The following SEC11A variants were observed in gnomAD, a reference collection of about 807,000 sequenced individuals.
SEC11A encodes the protein signal peptidase complex catalytic subunit SEC11A.
Under a neutral mutation model 25.6 loss-of-function variants are expected in SEC11A, and 14 were observed. The observed-to-expected ratio is 0.55, with a 90% CI of 0.36 to 0.85. The LOEUF (loss-of-function observed/expected upper bound fraction) is 0.85, where lower values mean the gene tolerates loss of function less well. Among genes scored for constraint, SEC11A ranks in the 40% least tolerant of loss-of-function variants. The pLI is 0.01. For synonymous variants in SEC11A, 83 were observed against 76.4 expected, an observed-to-expected ratio of 1.09 and a Z score of -0.45; for missense variants, 153 against 222.9, an observed-to-expected ratio of 0.69 and a Z score of 2.00.
At chr15:84,711,797 AAAAAG>A (rs1296061448) in intron 1 of SEC11A, among the ~76,000 whole-genome samples, 1 of 151,892 alleles carries the variant, frequency 6.6e-6, no homozygotes, top group African/African-American at 2.4e-5. Context: ...AAAAAAAAAA[AAAAAG>A]AAGCCGTACT....
chr15:84,714,378 T>TAAA (rs1596087948), intron 1 of SEC11A, among the ~76,000 whole-genome samples: 1 of 152,134 alleles, frequency 6.6e-6, no homozygotes, highest in East Asian at 1.9e-4. Context: ...GTACAGCCAA[T>TAAA]ACTCACCATG....
intron 1 of SEC11A, among the ~76,000 whole-genome samples, chr15:84,714,004 C>T (rs1402131158): frequency 3.3e-5 from 5 of 149,484 alleles, no homozygotes; most frequent in Non-Finnish European, 5.9e-5. Context: ...AATCCACATC[C>T]TGCCATATAC....
intron 1 of SEC11A, among the ~76,000 whole-genome samples, chr15:84,697,758 T>C (rs1161485963): frequency 6.6e-6 from 1 of 152,214 alleles, no homozygotes; most frequent in South Asian, 2.1e-4. Context: ...TGCCTCTTTC[T>C]GTATTGGCAG....
intron 1 of SEC11A, among the ~76,000 whole-genome samples, chr15:84,700,322 G>A (rs768371942): frequency 9.9e-5 from 15 of 151,732 alleles, no homozygotes; most frequent in East Asian, 1.9e-4. Context: ...TTTGCTGGGC[G>A]AGGTGGCTTA....
intron 4 of SEC11A, among the ~76,000 whole-genome samples, chr15:84,678,484 AGACT>A (rs1215678422): frequency 6.6e-6 from 1 of 152,236 alleles, no homozygotes; most frequent in Non-Finnish European, 1.5e-5. Context: ...TAACAACAGG[AGACT>A]GACTGAATAA....
intron 1 of SEC11A, among the ~76,000 whole-genome samples, chr15:84,694,064 T>A (rs67175503): frequency 0.066 from 10,099 of 151,960 alleles, 425 homozygotes; most frequent in African/African-American, 0.1. Context: ...GCATAGAAAA[T>A]ATGGAAGAAG....
At chr15:84,680,163 T>C (rs1166803079) in intron 4 of SEC11A, among the ~76,000 whole-genome samples, 2 of 150,218 alleles carry the variant, frequency 1.3e-5, no homozygotes, top group South Asian at 2.1e-4. Flanking sequence ...TAGCCGGGCA[T>C]GGTGGCGGGC....
chr15:84,694,595 T>TG (rs1241140459), intron 1 of SEC11A, among the ~76,000 whole-genome samples: 1 of 152,134 alleles, frequency 6.6e-6, no homozygotes, highest in Non-Finnish European at 1.5e-5. Context: ...CTATTCATTC[T>TG]GGTGTTTACC....
rs575496805 is a variant in SEC11A at position 84,669,922 on chromosome 15, G to C, written c.*97C>G. 6.3e-7 allele frequency: 1 copy of C among 1,594,344 alleles called. No homozygotes were observed. The highest frequency in any genetic ancestry group is 1.1e-5 in the South Asian group (1 of 87,618). ...CAGTGCTACCCAGAAGCACCAACAC[G>C]TGTGTTCTCCATTCCACCAATCACA... On this transcript the variant is annotated 3_prime_UTR_variant, in exon 6 of 6. Coordinates refer to ENST00000268220, the MANE Select transcript of SEC11A (RefSeq NM_014300.4).
At chr15:84,681,868 C>A (rs561241443) in intron 3 of SEC11A, among the ~76,000 whole-genome samples, 6 of 152,078 alleles carry the variant, frequency 3.9e-5, no homozygotes, top group African/African-American at 1.4e-4. Context: ...CACTTGAGCC[C>A]AGGAGTTCAA....
chr15:84,716,125 G>C lies in SEC11A; in HGVS notation c.-50C>G, dbSNP rs1326819940. 6.3e-7 allele frequency: 1 copy of C among 1,582,538 alleles called. No individual in the cohort carries two copies. Among genetic ancestry groups the C allele is most frequent in the Non-Finnish European group, 8.7e-7 (1 of 1,153,184 alleles). On this transcript the variant is annotated 5_prime_UTR_variant, in exon 1 of 6. Coordinates refer to ENST00000268220, the MANE Select transcript of SEC11A (RefSeq NM_014300.4). ...GGCAGGGGAAAGGGCGCGATGACCA[G>C]CGGGCGGAACTACTGGAGCTCGGGT...
At chr15:84,705,305 A>C (rs934954631) in intron 1 of SEC11A, among the ~76,000 whole-genome samples, 7 of 152,110 alleles carry the variant, frequency 4.6e-5, no homozygotes, top group African/African-American at 1.4e-4. Context: ...TTCCCTGTTC[A>C]ATTACTGCTA....
At chr15:84,674,651 T>G (rs760613132) in intron 4 of SEC11A, among the ~76,000 whole-genome samples, 19 of 152,126 alleles carry the variant, frequency 1.2e-4, no homozygotes, top group Non-Finnish European at 2.6e-4. Context: ...CTTGAACTCC[T>G]GGGCTCAAGC....
At position 84,716,066 on chromosome 15, in the gene SEC11A, G is replaced by A. The variant is rs373819545; in HGVS notation, c.10C>T (p.Leu4=). 6.2e-7 allele frequency: 1 copy of A among 1,613,840 alleles called. No individual in the cohort carries two copies. Among genetic ancestry groups the A allele is most frequent in the South Asian group, 1.1e-5 (1 of 91,056 alleles). The part of the protein sequence containing the change: MLS[L]DFLDDVRRMN... ...CGCCGCACATCGTCCAAAAAGTCTA[G>A]AGACAGCATGGCGGGGACGGCGAGC... The change falls in exon 1 of 6, where the codon CTA becomes TTA. Residue 4 remains leucine, a synonymous_variant. Transcript: ENST00000268220.
chr15:84,671,449 T>C (rs1402304766), intron 4 of SEC11A: 1 of 152,224 alleles, frequency 6.6e-6, no homozygotes, highest in East Asian at 1.9e-4. Flanking sequence ...GATTTGTTTC[T>C]TCACCTAACT....
chr15:84,678,825 T>C (rs529044889), intron 4 of SEC11A, among the ~76,000 whole-genome samples: 106 of 152,112 alleles, frequency 7.0e-4, no homozygotes, highest in African/African-American at 2.3e-3. Context: ...AGACCCCATC[T>C]CTACTAAAAA....
intron 1 of SEC11A, among the ~76,000 whole-genome samples, chr15:84,696,248 C>T (rs771669369): frequency 1.2e-4 from 19 of 152,142 alleles, no homozygotes; most frequent in Non-Finnish European, 2.5e-4. Context: ...CAGAGTAGCA[C>T]TATTAGAACT....
chr15:84,670,237 C>T (rs2141861838), intron 5 of SEC11A, 168 bp from the exon 6 acceptor site: 2 of 491,018 alleles, frequency 4.1e-6, no homozygotes. Flanking sequence ...AGCAAAATAT[C>T]ACATTTCTTT....
chr15:84,713,576 A>C (rs1898356649), intron 1 of SEC11A, among the ~76,000 whole-genome samples: 1 of 152,186 alleles, frequency 6.6e-6, no homozygotes, highest in African/African-American at 2.4e-5. Flanking sequence ...TTACCATTTA[A>C]ACTTCCACTA....
Sources: allele counts gnomAD v4.1 joint callset (sites outside exome capture counted in the v4.1 genomes callset), GRCh38; gene constraint gnomAD v4.1.1; transcripts MANE v1.5; gene names NCBI Gene and HGNC (gene_info 2026-07-23, HGNC 2026-07-21).